UNC13B: variants seen among roughly 807,000 people sequenced by gnomAD.
UNC13B encodes the protein protein unc-13 homolog B.
Under a neutral mutation model 211.0 loss-of-function variants are expected in UNC13B, and 144 were observed. The ratio of observed to expected loss-of-function variants is 0.68; its 90% confidence interval spans 0.60 to 0.78. The LOEUF (loss-of-function observed/expected upper bound fraction) is 0.78. Ranked by LOEUF, UNC13B falls within the 30% of genes least tolerant of loss-of-function variation. The pLI is 0.00. For missense variants in UNC13B, 1,777 were observed against 2,002.0 expected (o/e 0.89, Z 2.14); for synonymous variants, 709 against 725.8 (o/e 0.98, Z 0.37).
chr9:35,259,938 T>G (rs1295878907), intron 7 of UNC13B, among the ~76,000 whole-genome samples: 2 of 142,996 alleles, frequency 1.4e-5, no homozygotes, highest in Non-Finnish European at 3.0e-5. Context: ...AACTGTAGGC[T>G]GGGCATGGTT....
At chr9:35,400,831 T>C (rs138940011) in intron 37 of UNC13B, among the ~76,000 whole-genome samples, 15 of 152,280 alleles carry the variant, frequency 9.9e-5, no homozygotes, top group African/African-American at 3.4e-4. Context: ...TGGGAGTTGT[T>C]CTGGGGAGAG....
rs368327080 is a variant in UNC13B, at chr9:35,279,974, G to A, written c.527-15722G>A. ...CTTTTTCTCCTCTACCATCTGGGCC[G>A]TCTGATTTTCTGATTCCCCAAAAAG... On this transcript the variant is annotated intron_variant, in intron 7 of 39. Coordinates refer to ENST00000635942, the MANE Select transcript of UNC13B (RefSeq NM_001371189.2). Among the ~76,000 whole-genome samples, 136 of 152,176 alleles carry A rather than the reference G, an allele frequency of 8.9e-4. 1 individual carries two copies. In the South Asian group the frequency reaches 0.019, roughly 21 times the overall value.
chr9:35,283,082 G>A (rs1461505602), intron 7 of UNC13B, among the ~76,000 whole-genome samples: 1 of 152,174 alleles, frequency 6.6e-6, no homozygotes, highest in Non-Finnish European at 1.5e-5. Flanking sequence ...ATACTATAGT[G>A]AGCAACTTTA....
chr9:35,362,212 G>C (rs906148633), intron 11 of UNC13B, among the ~76,000 whole-genome samples: 2 of 152,146 alleles, frequency 1.3e-5, no homozygotes, highest in Non-Finnish European at 2.9e-5. Context: ...AGATATTTAG[G>C]AGGTAAAAAG....
chr9:35,354,032 G>C (rs1290831377), intron 11 of UNC13B, among the ~76,000 whole-genome samples: 1 of 152,158 alleles, frequency 6.6e-6, no homozygotes, highest in East Asian at 1.9e-4. Flanking sequence ...GAGTTAAAGA[G>C]GGTTCTCAAG....
intron 22 of UNC13B, chr9:35,385,456 G>A: frequency 1.0e-6 from 1 of 985,448 alleles, no homozygotes; most frequent in Non-Finnish European, 1.2e-6. Context: ...CTTTGTACAA[G>A]TGCTTATACA....
chr9:35,308,534 C>A (rs375374176), intron 9 of UNC13B, 122 bp downstream of exon 9: 1 of 396,250 alleles, frequency 2.5e-6, no homozygotes, highest in Non-Finnish European at 4.4e-6. Context: ...TCCTAGTACC[C>A]GAGCTTCATG....
At chr9:35,397,110 C>T (rs532904609) in intron 28 of UNC13B, 57 bp from the exon 29 acceptor site, 80 of 1,608,364 alleles carry the variant, frequency 5.0e-5, no homozygotes, top group Middle Eastern at 1.7e-4. Context: ...TCAAACTCTA[C>T]AAGCTTGGGA....
intron 8 of UNC13B, among the ~76,000 whole-genome samples, chr9:35,299,643 A>T (rs779152637): frequency 1.2e-4 from 19 of 152,208 alleles, no homozygotes; most frequent in Non-Finnish European, 2.6e-4. Flanking sequence ...TTTTTCTCAT[A>T]TGGAATAAAC....
intron 11 of UNC13B, among the ~76,000 whole-genome samples, chr9:35,359,428 C>G (rs2132112274): frequency 6.6e-6 from 1 of 152,250 alleles, no homozygotes; most frequent in South Asian, 2.1e-4. Flanking sequence ...ATAAGCATTC[C>G]CAGGTTTATA....
chr9:35,257,657 T>A (rs1454465820), intron 6 of UNC13B, among the ~76,000 whole-genome samples: 1 of 148,688 alleles, frequency 6.7e-6, no homozygotes, highest in African/African-American at 2.5e-5. Context: ...AGTGCTATCA[T>A]ATTGTTTACA....
intron 7 of UNC13B, among the ~76,000 whole-genome samples, chr9:35,260,641 T>G (rs1374448276): frequency 6.6e-6 from 1 of 152,190 alleles, no homozygotes; most frequent in East Asian, 1.9e-4. Context: ...TTTTTTTTCT[T>G]TATTTAAAGA....
chr9:35,328,062 C>T (rs1305621843), intron 11 of UNC13B, among the ~76,000 whole-genome samples: 1 of 152,110 alleles, frequency 6.6e-6, no homozygotes, highest in African/African-American at 2.4e-5. Context: ...ACTCTGTTGC[C>T]CAGGCTGTAG....
At chr9:35,210,722 C>A (rs534403868) in intron 1 of UNC13B, among the ~76,000 whole-genome samples, 32 of 151,934 alleles carry the variant, frequency 2.1e-4, no homozygotes, top group Middle Eastern at 3.4e-3. Context: ...TGGGGTTTCA[C>A]CATGTTGGCC....
At chr9:35,273,561 A>T (rs1014222055) in intron 7 of UNC13B, among the ~76,000 whole-genome samples, 3 of 152,142 alleles carry the variant, frequency 2.0e-5, no homozygotes, top group African/African-American at 4.8e-5. Context: ...CTGCCACTCT[A>T]TTACCTGTCT....
intron 10 of UNC13B, among the ~76,000 whole-genome samples, chr9:35,313,547 C>T (rs1227508265): frequency 6.6e-6 from 1 of 151,684 alleles, no homozygotes; most frequent in Non-Finnish European, 1.5e-5. Flanking sequence ...ATTGCCTGAG[C>T]CCAGGAGATT....
intron 6 of UNC13B, among the ~76,000 whole-genome samples, chr9:35,256,974 A>T (rs1321495840): frequency 6.6e-6 from 1 of 152,060 alleles, no homozygotes; most frequent in Non-Finnish European, 1.5e-5. Flanking sequence ...CCTGGGAGAG[A>T]TTCATTAAAT....
chr9:35,241,111 G>A (rs1825782731), intron 5 of UNC13B, among the ~76,000 whole-genome samples: 1 of 150,904 alleles, frequency 6.6e-6, no homozygotes, highest in Non-Finnish European at 1.5e-5. Context: ...GAATTATTGT[G>A]TGTTGGTGGG....
chr9:35,187,475 G>C (rs577211686), intron 1 of UNC13B, among the ~76,000 whole-genome samples: 8 of 152,272 alleles, frequency 5.3e-5, no homozygotes, highest in African/African-American at 1.9e-4. Flanking sequence ...AGTGACAAAT[G>C]GATGATAAGC....
Sources: gnomAD v4.1 joint callset for allele counts (sites outside exome capture counted in the v4.1 genomes callset) on GRCh38, gnomAD v4.1.1 for gene constraint, MANE v1.5 for transcripts, NCBI Gene and HGNC (gene_info 2026-07-23, HGNC 2026-07-21) for gene names.